TEC: variants seen among roughly 807,000 people sequenced by gnomAD.
The protein encoded by TEC is tyrosine-protein kinase Tec.
TEC carries 72 observed loss-of-function variants against 93.0 expected under a neutral mutation model. The observed-to-expected ratio is 0.77, with a 90% CI of 0.64 to 0.94. The LOEUF is 0.94. Among genes scored for constraint, TEC ranks in the 40% least tolerant of loss-of-function variants. The pLI, the probability that TEC is intolerant of heterozygous loss-of-function variation, is 0.00. For synonymous variants in TEC, 249 were observed against 247.7 expected (o/e 1.01, Z -0.05); for missense variants, 630 against 757.9 (o/e 0.83, Z 1.98).
chr4:48,150,408 G>A (rs1002878936), intron 10 of TEC, among the ~76,000 whole-genome samples: 9 of 152,064 alleles, frequency 5.9e-5, no homozygotes, highest in African/African-American at 2.2e-4. Context: ...TTGGGAGAGC[G>A]TTCATGACTA....
intron 2 of TEC, among the ~76,000 whole-genome samples, chr4:48,176,677 G>A (rs893631627): frequency 5.9e-5 from 9 of 152,262 alleles, no homozygotes; most frequent in African/African-American, 2.2e-4. Context: ...AGCTGAGACT[G>A]GGCCACTGTA....
Position 48,149,583 on chromosome 4 carries a change from A to G in TEC, c.980T>C (p.Ile327Thr), listed in dbSNP as rs1345656048. ...TGCTGCATTGTGCTTATGATATTCAATAATCTCAGGAATGGAGCCAAAAGC... is the reference window on the plus strand; with the variant it reads ...TGCTGCATTGTGCTTATGATATTCAGTAATCTCAGGAATGGAGCCAAAAGC... Reference protein sequence around the residue: ...KHAFGSIPEIIEYHKHNAAGL... With the variant: ...KHAFGSIPEITEYHKHNAAGL... The change falls in exon 11 of 18, where the codon ATT (isoleucine) becomes ACT (threonine). Residue 327 changes from isoleucine to threonine, a missense_variant. Transcript: ENST00000381501. 16 of 1,611,128 alleles carry G rather than the reference A, an allele frequency of 9.9e-6. No homozygotes were observed. Among genetic ancestry groups the G allele is most frequent in the Non-Finnish European group, 1.4e-5 (16 of 1,179,154 alleles).
chr4:48,254,363 G>A (rs781344964), intron 1 of TEC, among the ~76,000 whole-genome samples: 10 of 152,210 alleles, frequency 6.6e-5, no homozygotes, highest in East Asian at 1.9e-4. Context: ...GTGGCAAAGG[G>A]AAGCTAGGAG....
chr4:48,211,739 C>T (rs1244027966), intron 2 of TEC, among the ~76,000 whole-genome samples: 2 of 152,102 alleles, frequency 1.3e-5, no homozygotes, highest in Non-Finnish European at 2.9e-5. Flanking sequence ...TACCATTTAA[C>T]AAAACTCACT....
At chr4:48,208,909 TC>T (rs751392901) in intron 2 of TEC, among the ~76,000 whole-genome samples, 65 of 152,218 alleles carry the variant, frequency 4.3e-4, no homozygotes, top group Admixed American at 2.0e-3. Flanking sequence ...GCTAAGAAAT[TC>T]AAGTAGAGAT....
rs550347933 is a variant in TEC, at chr4:48,184,750, G to A, written c.139-8564C>T. On this transcript the variant is annotated intron_variant, in intron 2 of 17. Coordinates refer to ENST00000381501, the MANE Select transcript of TEC (RefSeq NM_003215.3). ...TGAAATGGCATGTTTAGCAACAAAG[G>A]ACCAGGCAGACAAAAAAAATACACA... Among the ~76,000 whole-genome samples, 49 of 140,692 alleles carry A rather than the reference G, an allele frequency of 3.5e-4. No homozygotes were observed. In the Admixed American group the frequency reaches 3.5e-3, roughly 10 times the overall value. 92.3% of individuals were successfully genotyped at this position (140,692 alleles called of 152,430 possible). A position where few individuals can be genotyped will look rare whatever the true frequency, so the allele number is the denominator to read the frequency against.
chr4:48,244,782 C>G (rs1724010281), intron 1 of TEC, among the ~76,000 whole-genome samples: 1 of 152,188 alleles, frequency 6.6e-6, no homozygotes. Flanking sequence ...AGAGCCTTCC[C>G]CTGCAACATC....
At chr4:48,190,812 G>A (rs1306383665) in intron 2 of TEC, among the ~76,000 whole-genome samples, 3 of 152,172 alleles carry the variant, frequency 2.0e-5, no homozygotes, top group Admixed American at 2.0e-4. Context: ...CTACAAAAAT[G>A]TTACCCTAAA....
At chr4:48,185,837 C>CG (rs1472612774) in intron 2 of TEC, among the ~76,000 whole-genome samples, 10 of 136,604 alleles carry the variant, frequency 7.3e-5, no homozygotes, top group Non-Finnish European at 1.3e-4. Context: ...TCCCATCTCC[C>CG]TCTCCCTCTC....
At chr4:48,242,091 A>G (rs1250214482) in intron 1 of TEC, among the ~76,000 whole-genome samples, 1 of 152,244 alleles carries the variant, frequency 6.6e-6, no homozygotes, top group Non-Finnish European at 1.5e-5. Flanking sequence ...GTCTGGCTAC[A>G]TTGGTAAAAT....
In TEC at chr4:48,262,201, C is replaced by CTTTTTTTTTTTTTTTTTTTTTTTTTT. The variant is rs10659576; in HGVS notation, c.-46+7550_-46+7551insAAAAAAAAAAAAAAAAAAAAAAAAAA. Among the ~76,000 whole-genome samples the CTTTTTTTTTTTTTTTTTTTTTTTTTT allele has an allele frequency of 2.5e-5, 2 of 80,208 alleles. 1 individual carries two copies. Among genetic ancestry groups the CTTTTTTTTTTTTTTTTTTTTTTTTTT allele is most frequent in the Non-Finnish European group, 4.7e-5 (2 of 42,430 alleles). The allele number at this position is 80,208 out of a possible 152,430, so 52.6% of individuals were successfully genotyped here. The stretch of plus-strand genomic sequence containing the variant: ...CTTGGGTAATTGTGACCAAATGTCT[C>CTTTTTTTTTTTTTTTTTTTTTTTTTT]TTTTTTTTTTTTTGAGACGGAGTCT... On this transcript the variant is annotated intron_variant, in intron 1 of 17. Transcript: ENST00000381501.
chr4:48,228,486 A>C lies in TEC; in HGVS notation c.129T>G (p.Gly43=), dbSNP rs371702372. ...LTKSMLTYYE[G]RAEKKYRKGF... is the part of the protein sequence containing the mutation. ...CGTGATTGTCTCTTACCTCTGCTCGACCCTCATAGTAGGTTAGCATGGACT... is the reference window on the plus strand; with the variant it reads ...CGTGATTGTCTCTTACCTCTGCTCGCCCCTCATAGTAGGTTAGCATGGACT... Residue 43 remains glycine (G), a synonymous_variant, in exon 2 of 18, where the codon GGT becomes GGG. Transcript: ENST00000381501. 2 of 1,603,162 alleles carry C rather than the reference A, an allele frequency of 1.2e-6. No individual in the cohort carries two copies. The highest frequency in any genetic ancestry group is 2.7e-5 in the African/African-American group (2 of 74,218).
At chr4:48,257,277 T>C (rs1418270588) in intron 1 of TEC, among the ~76,000 whole-genome samples, 1 of 152,228 alleles carries the variant, frequency 6.6e-6, no homozygotes, top group Non-Finnish European at 1.5e-5. Flanking sequence ...TTAAATTACA[T>C]ATGTGGCTTA....
chr4:48,249,218 T>C (rs962053618), intron 1 of TEC, among the ~76,000 whole-genome samples: 3 of 152,222 alleles, frequency 2.0e-5, no homozygotes, highest in African/African-American at 7.2e-5. Context: ...CTACTTCTTA[T>C]ATTAACATTT....
intron 9 of TEC, among the ~76,000 whole-genome samples, chr4:48,152,708 C>T (rs1306845682): frequency 6.6e-6 from 1 of 152,130 alleles, no homozygotes; most frequent in Non-Finnish European, 1.5e-5. Context: ...TGCCATTTAG[C>T]TACTCACTCC....
chr4:48,202,165 A>T (rs1722545924), intron 2 of TEC, among the ~76,000 whole-genome samples: 1 of 152,052 alleles, frequency 6.6e-6, no homozygotes, highest in Admixed American at 6.6e-5. Flanking sequence ...ACTTCTTTCA[A>T]ACAATTATCT....
At chr4:48,239,553 A>C (rs888348017) in intron 1 of TEC, among the ~76,000 whole-genome samples, 60 of 152,240 alleles carry the variant, frequency 3.9e-4, no homozygotes, top group African/African-American at 1.4e-3. Context: ...ACTAGGAGAA[A>C]GCATCAGAGT....
intron 2 of TEC, among the ~76,000 whole-genome samples, chr4:48,198,019 T>C (rs1452132004): frequency 6.6e-6 from 1 of 152,206 alleles, no homozygotes; most frequent in Non-Finnish European, 1.5e-5. Flanking sequence ...CCTGACTCCA[T>C]TCCTGCCTCA....
chr4:48,145,618 G>A, intron 12 of TEC, 39 bp from the exon 13 acceptor site: 2 of 1,605,546 alleles, frequency 1.2e-6, no homozygotes, highest in East Asian at 4.5e-5. Flanking sequence ...ATTTAAAAAG[G>A]AAAATGTAGC....
Sources: gnomAD v4.1 joint callset for allele counts (sites outside exome capture counted in the v4.1 genomes callset) on GRCh38, gnomAD v4.1.1 for gene constraint, MANE v1.5 for transcripts, NCBI Gene and HGNC (gene_info 2026-07-23, HGNC 2026-07-21) for gene names.